PRXL2C: variants seen among roughly 807,000 people sequenced by gnomAD.
PRXL2C encodes the protein peroxiredoxin like 2C.
Under a neutral mutation model 24.9 loss-of-function variants are expected in PRXL2C, and 38 were observed. The observed-to-expected ratio is 1.53, with a 90% CI of 1.18 to 2.00. The LOEUF (loss-of-function observed/expected upper bound fraction) is 2.00. PRXL2C is among the 30% of genes most tolerant of loss of function. The pLI is 0.00. For missense variants in PRXL2C, 294 were observed against 290.9 expected (o/e 1.01, Z -0.08); for synonymous variants, 98 against 117.2 (o/e 0.84, Z 1.06).
intron 4 of PRXL2C, among the ~76,000 whole-genome samples, chr9:96,648,949 T>C (rs1222346408): frequency 6.6e-6 from 1 of 152,028 alleles, no homozygotes; most frequent in East Asian, 1.9e-4. Context: ...AATTTCATAT[T>C]TTTAGTAGAG....
At position 96,639,940 on chromosome 9, in the gene PRXL2C, A is replaced by G. The variant is rs1848092976; in HGVS notation, c.*1819T>C. The G allele has an allele frequency of 6.6e-6, 1 of 151,780 alleles. No homozygotes were observed. Among genetic ancestry groups the G allele is most frequent in the African/African-American group, 2.4e-5 (1 of 41,288 alleles). The allele number at this position is 151,780 out of a possible 1,614,324, so 9.4% of individuals were successfully genotyped here. The stretch of plus-strand genomic sequence containing the variant: ...AAACTCCATCTTTACTAAAAAATAG[A>G]AACTTAGCCAGGCATGGTGGCGCAT... On this transcript the variant is annotated 3_prime_UTR_variant, in exon 6 of 6. Coordinates refer to ENST00000375234, the MANE Select transcript of PRXL2C (RefSeq NM_153698.2).
At chr9:96,645,066 C>A (rs1243516821) in intron 5 of PRXL2C, among the ~76,000 whole-genome samples, 2 of 151,200 alleles carry the variant, frequency 1.3e-5, no homozygotes, top group Admixed American at 1.3e-4. Flanking sequence ...GCCACCACGT[C>A]CGGCTAATTT....
chr9:96,641,982 C>T, intron 5 of PRXL2C, 96 bp from the exon 6 acceptor site: 1 of 1,113,942 alleles, frequency 9.0e-7, no homozygotes, highest in Non-Finnish European at 1.2e-6. Flanking sequence ...TTTAATTAGT[C>T]CAAAGGGAAA....
rs764116606 is a variant in PRXL2C at position 96,655,242 on chromosome 9, C to G, written c.40G>C (p.Ala14Pro). 35 of 1,125,040 alleles carry G rather than the reference C, an allele frequency of 3.1e-5. No individual in the cohort carries two copies. The highest frequency in any genetic ancestry group is 3.5e-5 in the Non-Finnish European group (32 of 920,824). The allele number at this position is 1,125,040 out of a possible 1,614,324, so 69.7% of individuals were successfully genotyped here. The change falls in exon 1 of 6, where the codon GCC becomes CCC. Residue 14 changes from alanine (A) to proline (P), a missense_variant. Physicochemically the swap from Ala to Pro is conservative, Grantham distance 27. Transcript: ENST00000375234. ...CTCGGGGCCGGGACCAGGGCGGCGGCGCCGCTAACCTGCCGCGTGACCGGG... is the reference window on the plus strand; with the variant it reads ...CTCGGGGCCGGGACCAGGGCGGCGGGGCCGCTAACCTGCCGCGTGACCGGG... ...PAPVTRQVSG[A>P]AALVPAPSGP...
chr9:96,654,026 G>C, intron 2 of PRXL2C, among the ~76,000 whole-genome samples: 1 of 152,120 alleles, frequency 6.6e-6, no homozygotes. Context: ...ATTTTTAGTA[G>C]AGTCAGGGTT....
At chr9:96,651,312 C>G in intron 4 of PRXL2C, 78 bp downstream of exon 4, 1 of 1,040,608 alleles carries the variant, frequency 9.6e-7, no homozygotes. Context: ...ATGAATTGAC[C>G]ATGTTTCCCT....
intron 2 of PRXL2C, among the ~76,000 whole-genome samples, chr9:96,654,483 C>T (rs1225750849): frequency 2.0e-5 from 3 of 152,230 alleles, no homozygotes; most frequent in African/African-American, 7.2e-5. Context: ...GGTTACCAGG[C>T]AACACCACAA....
In PRXL2C at chr9:96,653,925, C is replaced by T. The variant is rs1848311178; in HGVS notation, c.261+780G>A. On this transcript the variant is annotated intron_variant, in intron 2 of 5. Coordinates refer to ENST00000375234, the MANE Select transcript of PRXL2C (RefSeq NM_153698.2). ...GTGCAATTTCGGCTCACTGCAACCTCCGCCTCCCGGGTTCACGCCATTCTC... is the reference window on the plus strand; with the variant it reads ...GTGCAATTTCGGCTCACTGCAACCTTCGCCTCCCGGGTTCACGCCATTCTC... Among the ~76,000 whole-genome samples, 3 of 152,084 alleles carry T rather than the reference C, an allele frequency of 2.0e-5. No individual in the cohort carries two copies. The South Asian group carries it at 6.2e-4, about 32-fold the overall frequency.
At chr9:96,655,026 G>A (rs1848333451) in intron 1 of PRXL2C, 64 bp downstream of exon 1, 27 of 1,410,948 alleles carry the variant, frequency 1.9e-5, no homozygotes, top group Non-Finnish European at 2.2e-5. Flanking sequence ...GGCGCGGCTC[G>A]CATCCCGGCA....
intron 5 of PRXL2C, 73 bp from the exon 6 acceptor site, chr9:96,641,959 A>G: frequency 7.6e-7 from 1 of 1,313,236 alleles, no homozygotes; most frequent in Non-Finnish European, 1.0e-6. Context: ...AAAATCAAGG[A>G]AGCTTTTCAA....
Position 96,655,187 on chromosome 9 carries a change from G to T in PRXL2C, c.95C>A (p.Ala32Asp). 1.7e-6 allele frequency: 2 copies of T among 1,208,610 alleles called. No individual in the cohort carries two copies. Among genetic ancestry groups the T allele is most frequent in the Non-Finnish European group, 2.1e-6 (2 of 975,052 alleles). The allele number at this position is 1,208,610 out of a possible 1,614,324, so 74.9% of individuals were successfully genotyped here. The change falls in exon 1 of 6, where the codon GCC becomes GAC. Residue 32 changes from alanine (A) to aspartate (D), a missense_variant. Physicochemically the swap from Ala to Asp is moderately radical, Grantham distance 126 (BLOSUM62 -2). Coordinates refer to ENST00000375234, the MANE Select transcript of PRXL2C (RefSeq NM_153698.2). ...CAGCACCGGCAGCTCGGCCACGGCG[G>T]CCGCCAGGGGCTGCCCGCTGTCGGG... ...SGPDSGQPLA[A>D]AVAELPVLDA...
chr9:96,644,789 A>G lies in PRXL2C; in HGVS notation c.553+1104T>C, dbSNP rs562723239. Among the ~76,000 whole-genome samples the G allele has an allele frequency of 1.6e-4, 24 of 149,558 alleles. No homozygotes were observed. The South Asian group carries it at 4.5e-3, about 28-fold the overall frequency. ...GCCACCATGCCCGGCCTCAATCCCA[A>G]TCTTATGGGATGAGCTGTCCCTAGC... On this transcript the variant is annotated intron_variant, in intron 5 of 5. Transcript: ENST00000375234.
chr9:96,645,275 G>A (rs1848181439), intron 5 of PRXL2C, among the ~76,000 whole-genome samples: 1 of 151,920 alleles, frequency 6.6e-6, no homozygotes, highest in African/African-American at 2.4e-5. Context: ...CATCTCCACT[G>A]AACATTCCTA....
intron 4 of PRXL2C, among the ~76,000 whole-genome samples, chr9:96,649,062 C>T (rs188781767): frequency 5.9e-5 from 9 of 152,032 alleles, no homozygotes; most frequent in Middle Eastern, 3.4e-3. Flanking sequence ...CGTGAGCCAC[C>T]GCGCCCAGCC....
chr9:96,639,919 T>TC lies in PRXL2C; in HGVS notation c.*1839dup, dbSNP rs1185060103. The TC allele has an allele frequency of 2.0e-5, 3 of 150,102 alleles. No homozygotes were observed. Among genetic ancestry groups the TC allele is most frequent in the Non-Finnish European group, 4.4e-5 (3 of 67,478 alleles). 9.3% of individuals were successfully genotyped at this position (150,102 alleles called of 1,614,324 possible). A position where few individuals can be genotyped will look rare whatever the true frequency, so the allele number is the denominator to read the frequency against. On this transcript the variant is annotated 3_prime_UTR_variant, in exon 6 of 6. Transcript: ENST00000375234. ...ACCAGCCTGACCGACATGGAGAAACTCCATCTTTACTAAAAAATAGAAACT... is the reference window on the plus strand; with the variant it reads ...ACCAGCCTGACCGACATGGAGAAACTCCCATCTTTACTAAAAAATAGAAACT...
chr9:96,645,775 C>A (rs570595335), intron 5 of PRXL2C, 118 bp downstream of exon 5: 3 of 1,205,274 alleles, frequency 2.5e-6, no homozygotes, highest in Non-Finnish European at 3.4e-6. Flanking sequence ...CCAGCCTTGG[C>A]GACAGAGCGA....
At chr9:96,646,515 G>T (rs1048006679) in intron 4 of PRXL2C, among the ~76,000 whole-genome samples, 1 of 152,218 alleles carries the variant, frequency 6.6e-6, no homozygotes, top group African/African-American at 2.4e-5. Context: ...ACTGCTACGT[G>T]TTGGTCAAAA....
At chr9:96,651,281 A>G (rs1287040992) in intron 4 of PRXL2C, 109 bp downstream of exon 4, 1 of 855,000 alleles carries the variant, frequency 1.2e-6, no homozygotes, top group Admixed American at 3.0e-5. Flanking sequence ...CCATCTCAAA[A>G]AAAACAAAAA....
In PRXL2C at chr9:96,654,759, G is replaced by A. The variant is rs763910204; in HGVS notation, c.207C>T (p.Tyr69=). The change falls in exon 2 of 6, where the codon TAC becomes TAT. Residue 69 remains tyrosine (Y), a synonymous_variant. Transcript: ENST00000375234. ...GATCCTCTACGTATTCCTTGCAGAT[G>A]TAACACAGGAAATGCTGAAAGCCAA... ...VVVFVRHFLC[Y]ICKEYVEDLA... 4 of 1,564,962 alleles carry A rather than the reference G, an allele frequency of 2.6e-6. No individual in the cohort carries two copies. Among genetic ancestry groups the A allele is most frequent in the South Asian group, 1.2e-5 (1 of 84,892 alleles).
Sources: allele counts gnomAD v4.1 joint callset (sites outside exome capture counted in the v4.1 genomes callset), GRCh38; gene constraint gnomAD v4.1.1; transcripts MANE v1.5; gene names NCBI Gene and HGNC (gene_info 2026-07-23, HGNC 2026-07-21).